Variants in C12orf42 observed in about 807,000 individuals in gnomAD.
C12orf42 encodes chromosome 12 open reading frame 42.
In C12orf42, 25 loss-of-function variants were observed where a neutral mutation model predicts 21.6. The ratio of observed to expected loss-of-function variants is 1.16; its 90% CI spans 0.84 to 1.62. C12orf42 has a LOEUF of 1.62. Ranked by LOEUF, C12orf42 falls within the 40% of genes most tolerant of loss-of-function variation. The probability of loss-of-function intolerance (pLI) is 0.00; values close to 1 mark genes in which losing one functional copy is unlikely to be tolerated. For missense variants in C12orf42, 483 were observed against 459.3 expected, an observed-to-expected ratio of 1.05 and a Z score of -0.47; for synonymous variants, 174 against 175.0, an observed-to-expected ratio of 0.99 and a Z score of 0.05.
At chr12:103,165,490 A>G in the C12orf42 span, among the ~76,000 whole-genome samples, 1 of 152,244 alleles carries the variant, frequency 6.6e-6, no homozygotes, top group Admixed American at 6.5e-5. Flanking sequence ...TATATGCCAA[A>G]GATAACAATA....
chr12:103,177,846 T>A, the C12orf42 span, among the ~76,000 whole-genome samples: 16 of 137,104 alleles, frequency 1.2e-4, no homozygotes, highest in South Asian at 3.9e-3. Flanking sequence ...TTAATGGCCG[T>A]GTGTGTGTGT....
At chr12:103,067,184 G>C in the C12orf42 span, among the ~76,000 whole-genome samples, 2 of 152,184 alleles carry the variant, frequency 1.3e-5, no homozygotes, top group African/African-American at 2.4e-5. Context: ...GTCCTCACTG[G>C]AATAGACACT....
At chr12:103,169,774 G>GATAAA in the C12orf42 span, among the ~76,000 whole-genome samples, 5 of 113,476 alleles carry the variant, frequency 4.4e-5, no homozygotes, top group East Asian at 1.7e-3. Flanking sequence ...AAATAAAAAG[G>GATAAA]ATAAAATAAA....
chr12:103,505,801 G>A, the C12orf42 span, among the ~76,000 whole-genome samples: 24 of 152,186 alleles, frequency 1.6e-4, no homozygotes, highest in Non-Finnish European at 2.6e-4. Context: ...TGGCTTCTCC[G>A]CTTGGACACA....
At chr12:103,497,323 T>C (rs1955588078), upstream of C12orf42, among the ~76,000 whole-genome samples, 3 of 152,086 alleles carry the variant, frequency 2.0e-5, no homozygotes, top group South Asian at 6.2e-4. Context: ...AAGTTGAGAG[T>C]TCTGAGAAGA....
the C12orf42 span, among the ~76,000 whole-genome samples, chr12:103,512,730 G>A: frequency 1.3e-5 from 2 of 152,208 alleles, no homozygotes; most frequent in Non-Finnish European, 2.9e-5. Flanking sequence ...TAGGCTGGCT[G>A]CAGTGGCTCA....
chr12:103,206,521 T>TTATTACAC, the C12orf42 span, among the ~76,000 whole-genome samples: 3,306 of 148,684 alleles, frequency 0.022, 59 homozygotes, highest in African/African-American at 0.05. Flanking sequence ...TTTTCTATAT[T>TTATTACAC]ACACACACAC....
intron 4 of C12orf42, among the ~76,000 whole-genome samples, chr12:103,283,629 C>T (rs1344666071): frequency 2.6e-5 from 4 of 152,154 alleles, no homozygotes; most frequent in Non-Finnish European, 5.9e-5. Flanking sequence ...ATCTGAAATA[C>T]TCTTCCACTT....
chr12:103,504,924 G>T, the C12orf42 span: 1 of 167,398 alleles, frequency 6.0e-6, no homozygotes, highest in Non-Finnish European at 1.3e-5. Context: ...ACAAATTCAC[G>T]GCTGGCAAGT....
At chr12:103,467,315 T>C (rs1953220458) in intron 2 of C12orf42, among the ~76,000 whole-genome samples, 1 of 152,150 alleles carries the variant, frequency 6.6e-6, no homozygotes, top group South Asian at 2.1e-4. Context: ...TATCCTTCAT[T>C]GTATTAATGG....
chr12:103,435,416 G>C (rs1474564358), intron 2 of C12orf42, among the ~76,000 whole-genome samples: 1 of 152,240 alleles, frequency 6.6e-6, no homozygotes, highest in Non-Finnish European at 1.5e-5. Flanking sequence ...ACTTTGATGA[G>C]CTGAGAGAAG....
chr12:103,160,372 G>C, the C12orf42 span, among the ~76,000 whole-genome samples: 6 of 152,148 alleles, frequency 3.9e-5, no homozygotes, highest in Non-Finnish European at 5.9e-5. Flanking sequence ...CAATGTGAAA[G>C]GTTTATAGGA....
chr12:103,139,827 T>TA, the C12orf42 span, among the ~76,000 whole-genome samples: 1 of 152,120 alleles, frequency 6.6e-6, no homozygotes, highest in Non-Finnish European at 1.5e-5. Context: ...AACATGGGGT[T>TA]AAAAAAAGGA....
chr12:103,253,627 G>A (rs915563662), intron 10 of C12orf42, among the ~76,000 whole-genome samples: 1 of 152,102 alleles, frequency 6.6e-6, no homozygotes, highest in Non-Finnish European at 1.5e-5. Flanking sequence ...TGGTGTATAG[G>A]AACGCTTGCG....
chr12:103,354,586 C>T (rs1042436318), intron 4 of C12orf42, among the ~76,000 whole-genome samples: 1 of 152,078 alleles, frequency 6.6e-6, no homozygotes, highest in Non-Finnish European at 1.5e-5. Flanking sequence ...CCTCCAGTAC[C>T]CAGAACAGTG....
intron 1 of C12orf42, among the ~76,000 whole-genome samples, chr12:103,480,759 G>T (rs1245413726): frequency 6.6e-6 from 1 of 151,436 alleles, no homozygotes; most frequent in Non-Finnish European, 1.5e-5. Flanking sequence ...TCAAAAATAA[G>T]ATTTGTTTGA....
At chr12:103,382,302 G>A (rs1055550088) in intron 3 of C12orf42, among the ~76,000 whole-genome samples, 10 of 152,048 alleles carry the variant, frequency 6.6e-5, no homozygotes, top group Non-Finnish European at 1.5e-4. Flanking sequence ...TTATATTTTA[G>A]TAACAAAATG....
At chr12:103,282,310 G>A (rs1173407435) in intron 4 of C12orf42, among the ~76,000 whole-genome samples, 2 of 152,188 alleles carry the variant, frequency 1.3e-5, no homozygotes, top group Non-Finnish European at 2.9e-5. Flanking sequence ...GAAATGCCAA[G>A]AATATAGTCA....
chr12:103,226,122 G>T, the C12orf42 span, among the ~76,000 whole-genome samples: 1 of 152,200 alleles, frequency 6.6e-6, no homozygotes, highest in African/African-American at 2.4e-5. Context: ...TGGCCCAGTG[G>T]CCAGATTTCC....
Sources: allele counts gnomAD v4.1 joint callset (sites outside exome capture counted in the v4.1 genomes callset), GRCh38; gene constraint gnomAD v4.1.1; transcripts MANE v1.5; gene names NCBI Gene and HGNC (gene_info 2026-07-23, HGNC 2026-07-21).